Variants in MYRFL observed in about 807,000 individuals in gnomAD.
MYRFL encodes the protein myelin regulatory factor like.
In MYRFL, 88 loss-of-function variants were observed where a neutral mutation model predicts 109.4. That is an observed-to-expected ratio of 0.80 (90% CI 0.68 to 0.96). The LOEUF is 0.96. Ranked by LOEUF, MYRFL falls within the 40% of genes least tolerant of loss-of-function variation. The pLI, the probability that MYRFL is intolerant of heterozygous loss-of-function variation, is 0.00. For synonymous variants in MYRFL, 324 were observed against 320.9 expected (o/e 1.01, Z -0.10); for missense variants, 957 against 954.9 (o/e 1.00, Z -0.03).
At chr12:69,952,044 G>C in intron 19 of MYRFL, 69 bp from the exon 20 acceptor site, 1 of 1,338,590 alleles carries the variant, frequency 7.5e-7, no homozygotes, top group Admixed American at 2.0e-5. Context: ...GATGAACTAG[G>C]TCACACATGG....
chr12:69,829,059 A>G lies in MYRFL; in HGVS notation c.46+3496A>G, dbSNP rs80274898. Reference sequence around the variant, plus strand: ...AAAAGTATGCCGTGGGAAAAACTACATACTAAGATCACAAGTAAAAGCTCA... The same window carrying G: ...AAAAGTATGCCGTGGGAAAAACTACGTACTAAGATCACAAGTAAAAGCTCA... On this transcript the variant is annotated intron_variant, in intron 1 of 24. Coordinates refer to ENST00000552032, the MANE Select transcript of MYRFL (RefSeq NM_182530.3). Among the ~76,000 whole-genome samples the G allele has an allele frequency of 6.3e-3, 964 of 152,160 alleles. 10 individuals are homozygous for G. Among genetic ancestry groups the G allele is most frequent in the East Asian group, 0.047 (245 of 5,172 alleles).
chr12:69,917,809 T>C (rs572614180), intron 13 of MYRFL, among the ~76,000 whole-genome samples: 74 of 151,954 alleles, frequency 4.9e-4, no homozygotes, highest in Non-Finnish European at 1.0e-3. Flanking sequence ...AGAGAAGTGG[T>C]TTTATTGACT....
rs1484141240 is a variant in MYRFL at position 69,895,387 on chromosome 12, G to A, written c.997G>A (p.Asp333Asn). 2 of 1,534,036 alleles carry A rather than the reference G, an allele frequency of 1.3e-6. No homozygotes were observed. The highest frequency in any genetic ancestry group is 2.7e-5 in the African/African-American group (2 of 72,738). ...TTGTTTTAGAATTGACCTACTGGCT[G>A]ACCAGGTCACCAAAGTAACACTGGG... ...FNPVKIDLLADQVTKVTLGRL... is the reference protein window; with the variant it reads ...FNPVKIDLLANQVTKVTLGRL... The change falls in exon 9 of 25, where the codon GAC becomes AAC. Residue 333 changes from aspartate to asparagine, a missense_variant. Transcript: ENST00000552032.
Position 69,945,395 on chromosome 12 carries a change from A to G in MYRFL, c.2225-6718A>G, listed in dbSNP as rs532325168. Among the ~76,000 whole-genome samples, 12 of 152,246 alleles carry G rather than the reference A, an allele frequency of 7.9e-5. No homozygotes were observed. The South Asian group carries it at 2.5e-3, about 32-fold the overall frequency. Reference sequence around the variant, plus strand: ...TTATTTTTTACTGTACCCTTTCTACATTTAGAAATATTTAGATACACAAAT... The same window carrying G: ...TTATTTTTTACTGTACCCTTTCTACGTTTAGAAATATTTAGATACACAAAT... On this transcript the variant is annotated intron_variant, in intron 19 of 24. Coordinates refer to ENST00000552032, the MANE Select transcript of MYRFL (RefSeq NM_182530.3).
At chr12:69,898,074 T>C (rs1954059137) in intron 10 of MYRFL, among the ~76,000 whole-genome samples, 1 of 152,176 alleles carries the variant, frequency 6.6e-6, no homozygotes, top group Admixed American at 6.5e-5. Flanking sequence ...TTTGAAGTGA[T>C]ACAGGGAGGC....
At chr12:69,905,839 C>G (rs1297787008) in intron 11 of MYRFL, among the ~76,000 whole-genome samples, 1 of 152,168 alleles carries the variant, frequency 6.6e-6, no homozygotes, top group South Asian at 2.1e-4. Context: ...CTGTTTATTA[C>G]AGAGATGAGG....
At chr12:69,921,298 C>T (rs1479908392) in intron 13 of MYRFL, among the ~76,000 whole-genome samples, 3 of 152,128 alleles carry the variant, frequency 2.0e-5, no homozygotes, top group Non-Finnish European at 4.4e-5. Flanking sequence ...CCACCCTGGC[C>T]TCCCAAAGTG....
chr12:69,958,560 G>GAAA lies in MYRFL; in HGVS notation c.*32_*34dup. ...GTTCAAGTTTGGGGACTTTACCAAA[G>GAAA]AAAAATACTCAGGAATACATTTAAC... On this transcript the variant is annotated 3_prime_UTR_variant, in exon 25 of 25. Transcript: ENST00000552032. 7.0e-7 allele frequency: 1 copy of GAAA among 1,435,214 alleles called. No individual in the cohort carries two copies. The allele number at this position is 1,435,214 out of a possible 1,614,324, so 88.9% of individuals were successfully genotyped here.
chr12:69,846,767 C>T (rs539145492), intron 1 of MYRFL, among the ~76,000 whole-genome samples: 359 of 151,894 alleles, frequency 2.4e-3, no homozygotes, highest in African/African-American at 8.5e-3. Context: ...CCTGAGGAAT[C>T]GCCACACTGA....
chr12:69,871,386 T>C (rs1419619285), intron 2 of MYRFL, among the ~76,000 whole-genome samples: 1 of 151,912 alleles, frequency 6.6e-6, no homozygotes, highest in East Asian at 1.9e-4. Flanking sequence ...CCTACCACCA[T>C]GCCCGGCTAA....
chr12:69,832,832 G>A (rs528756460), intron 1 of MYRFL, among the ~76,000 whole-genome samples: 4 of 152,112 alleles, frequency 2.6e-5, no homozygotes, highest in South Asian at 4.2e-4. Context: ...TGGGTGGGAC[G>A]TGGGTGTGAG....
At chr12:69,909,938 A>G (rs1412623122) in intron 11 of MYRFL, 31 bp from the exon 12 acceptor site, 5 of 1,430,594 alleles carry the variant, frequency 3.5e-6, no homozygotes, top group Non-Finnish European at 4.7e-6. Flanking sequence ...TATCTATGCG[A>G]GTAAAATCTG....
intron 1 of MYRFL, among the ~76,000 whole-genome samples, chr12:69,829,274 C>A (rs2136312515): frequency 6.6e-6 from 1 of 152,156 alleles, no homozygotes; most frequent in East Asian, 1.9e-4. Flanking sequence ...GATTTAAATT[C>A]TCCAGATAGC....
Position 69,872,649 on chromosome 12 carries a change from C to T in MYRFL, c.138-6379C>T, listed in dbSNP as rs906327702. 5.3e-5 allele frequency among the ~76,000 whole-genome samples: 8 copies of T among 151,776 alleles called. No individual in the cohort carries two copies. The East Asian group carries it at 1.2e-3, about 22-fold the overall frequency. ...GTGAGTAGCTGGGATTACAGGTGTG[C>T]GCCACTGTGCCCGGCTAATTTTTGT... On this transcript the variant is annotated intron_variant, in intron 2 of 24. Coordinates refer to ENST00000552032, the MANE Select transcript of MYRFL (RefSeq NM_182530.3).
At chr12:69,938,925 G>T (rs1474341922) in intron 19 of MYRFL, among the ~76,000 whole-genome samples, 5 of 152,160 alleles carry the variant, frequency 3.3e-5, no homozygotes, top group Non-Finnish European at 7.4e-5. Context: ...CAAAGAAAGG[G>T]GTGACGGATG....
chr12:69,921,179 C>T (rs1954899556), intron 13 of MYRFL, among the ~76,000 whole-genome samples: 1 of 152,064 alleles, frequency 6.6e-6, no homozygotes, highest in African/African-American at 2.4e-5. Context: ...TCAAAATGCC[C>T]CTCAGCCCTA....
At chr12:69,839,645 GA>G (rs1883136593) in intron 1 of MYRFL, among the ~76,000 whole-genome samples, 1 of 152,000 alleles carries the variant, frequency 6.6e-6, no homozygotes, top group East Asian at 1.9e-4. Flanking sequence ...TTCTCTGAAA[GA>G]TAGGGATAAT....
chr12:69,848,962 C>T (rs550923912), intron 1 of MYRFL, among the ~76,000 whole-genome samples: 10 of 152,270 alleles, frequency 6.6e-5, no homozygotes, highest in African/African-American at 2.2e-4. Flanking sequence ...ACCTCTACCT[C>T]CCGGGTTCAA....
intron 1 of MYRFL, among the ~76,000 whole-genome samples, chr12:69,845,363 T>C (rs189603047): frequency 7.2e-5 from 11 of 152,284 alleles, no homozygotes; most frequent in Non-Finnish European, 1.3e-4. Context: ...TATGAAAGAA[T>C]GAAGATGTCT....
Sources: allele counts gnomAD v4.1 joint callset (sites outside exome capture counted in the v4.1 genomes callset), GRCh38; gene constraint gnomAD v4.1.1; transcripts MANE v1.5; gene names NCBI Gene and HGNC (gene_info 2026-07-23, HGNC 2026-07-21).